CCDC102A: variants seen among roughly 807,000 people sequenced by gnomAD.
CCDC102A encodes coiled-coil domain containing 102A.
Under a neutral mutation model 55.5 loss-of-function variants are expected in CCDC102A, and 40 were observed. The observed-to-expected ratio is 0.72, with a 90% CI of 0.56 to 0.94. The LOEUF (loss-of-function observed/expected upper bound fraction) is 0.94. Among genes scored for constraint, CCDC102A ranks in the 40% least tolerant of loss-of-function variants. The pLI is 0.00. For missense variants in CCDC102A, 779 were observed against 768.6 expected (o/e 1.01, Z -0.16); for synonymous variants, 323 against 339.0 (o/e 0.95, Z 0.52).
In CCDC102A at chr16:57,529,158, G is replaced by C. The variant is rs1339220728; in HGVS notation, c.20C>G (p.Pro7Arg). The C allele has an allele frequency of 1.7e-6, 2 of 1,184,832 alleles. No homozygotes were observed. Among genetic ancestry groups the C allele is most frequent in the East Asian group, 3.7e-5 (1 of 27,346 alleles). 73.4% of individuals were successfully genotyped at this position (1,184,832 alleles called of 1,614,324 possible). MSHGPS[P>R]RLAESPQLSK... is the part of the protein sequence containing the mutation. ...CAGCTGCGGGGACTCGGCCAGCCGG[G>C]GGCTGGGCCCGTGGCTCATGGTGCG... Residue 7 changes from proline (P) to arginine (R), a missense_variant, in exon 2 of 9, where the codon CCC becomes CGC. Physicochemically the swap from Pro to Arg is moderately radical, Grantham distance 103. Transcript: ENST00000258214. The surrounding 1 kb of genome is among the most constrained non-coding windows in gnomAD (Gnocchi z 4.1).
At position 57,518,289 on chromosome 16, in the gene CCDC102A, C is replaced by A. The variant is rs1430662730; in HGVS notation, c.1039-12G>T. The A allele has an allele frequency of 6.2e-7, 1 of 1,605,624 alleles. No individual in the cohort carries two copies. Among genetic ancestry groups the A allele is most frequent in the Admixed American group, 1.7e-5 (1 of 59,970 alleles). On this transcript the variant is annotated splice_polypyrimidine_tract_variant and intron_variant, in intron 5 of 8. Transcript: ENST00000258214. ...TGCAGCCGCTCCATCTGCAGCAGGGCAGGGCAGAGTGAGGACTCCCAGCGG... is the reference window on the plus strand; with the variant it reads ...TGCAGCCGCTCCATCTGCAGCAGGGAAGGGCAGAGTGAGGACTCCCAGCGG...
rs2031956590 is a variant in CCDC102A at position 57,516,397 on chromosome 16, G to C, written c.1315C>G (p.Leu439Val). ...TCCACCCGCCGGTTGGCATGTGCCA[G>C]CTCTGCCACCTTCTCCTGGAACTGC... ...KKQFQEKVAELAHANRRVEQH... is the reference protein window; with the variant it reads ...KKQFQEKVAEVAHANRRVEQH... The change falls in exon 7 of 9, where the codon CTG becomes GTG. Residue 439 changes from leucine to valine, a missense_variant. By Grantham distance (32) the Leu-to-Val change is conservative (BLOSUM62 1). Transcript: ENST00000258214. This position sits in a 1 kb window ranked among gnomAD's most constrained non-coding sequence, Gnocchi z 4.4. 1 of 1,609,900 alleles carries C rather than the reference G, an allele frequency of 6.2e-7. No individual in the cohort carries two copies. Among genetic ancestry groups the C allele is most frequent in the South Asian group, 1.1e-5 (1 of 91,058 alleles).
chr16:57,518,328 G>A, intron 5 of CCDC102A, 51 bp from the exon 6 acceptor site: 1 of 1,533,128 alleles, frequency 6.5e-7, no homozygotes, highest in Non-Finnish European at 8.8e-7. Context: ...GGGCATGCAG[G>A]GCCTGAGCTG....
chr16:57,516,484 G>T lies in CCDC102A; in HGVS notation c.1249-21C>A. The T allele has an allele frequency of 1.3e-6, 2 of 1,593,248 alleles. No homozygotes were observed. Among genetic ancestry groups the T allele is most frequent in the Non-Finnish European group, 1.7e-6 (2 of 1,170,850 alleles). On this transcript the variant is annotated intron_variant, in intron 6 of 8. Transcript: ENST00000258214. This position sits in a 1 kb window ranked among gnomAD's most constrained non-coding sequence, Gnocchi z 4.4. ...AGCTCCTACAGGGCACAGGGATGGG[G>T]TGGGAGGGAGGAGGGAATCAGTATC...
At chr16:57,515,124 C>G (rs2031930199) in intron 8 of CCDC102A, among the ~76,000 whole-genome samples, 2 of 152,164 alleles carry the variant, frequency 1.3e-5, no homozygotes, top group Admixed American at 1.3e-4. Context: ...CTAGAGGAGA[C>G]AATTCCAGGG....
Position 57,518,237 on chromosome 16 carries a change from C to T in CCDC102A, c.1079G>A (p.Arg360His), listed in dbSNP as rs201621400. ...LQAENAAEWG[R>H]RERLETEKLG... ...TTTCTCTGTCTCCAGCCGCTCCCGG[C>T]GGCCCCACTCCGCAGCGTTTTCGGC... The change falls in exon 6 of 9, where the codon CGC (arginine) becomes CAC (histidine). Residue 360 changes from arginine (R) to histidine (H), a missense_variant. Transcript: ENST00000258214. 1.5e-5 allele frequency: 24 copies of T among 1,611,442 alleles called. No individual in the cohort carries two copies. The highest frequency in any genetic ancestry group is 6.7e-5 in the Admixed American group (4 of 60,016).
At chr16:57,517,998 A>G in intron 6 of CCDC102A, 70 bp downstream of exon 6, 1 of 1,477,946 alleles carries the variant, frequency 6.8e-7, no homozygotes, top group East Asian at 2.3e-5. Flanking sequence ...GACACATAGT[A>G]GGGAAGCTGC....
chr16:57,534,453 C>G (rs2032333204), intron 1 of CCDC102A, among the ~76,000 whole-genome samples: 1 of 152,196 alleles, frequency 6.6e-6, no homozygotes, highest in Non-Finnish European at 1.5e-5. Flanking sequence ...TCTGGAATAT[C>G]TCTCCTTCCT....
intron 3 of CCDC102A, among the ~76,000 whole-genome samples, chr16:57,522,519 A>G (rs545487294): frequency 1.3e-5 from 2 of 152,246 alleles, no homozygotes; most frequent in East Asian, 3.9e-4. Flanking sequence ...CTCCCAAAGT[A>G]CTGGGATTAT....
At chr16:57,520,988 C>A in intron 4 of CCDC102A, 80 bp downstream of exon 4, 1 of 839,476 alleles carries the variant, frequency 1.2e-6, no homozygotes, top group Non-Finnish European at 2.0e-6. Flanking sequence ...TGAATGAATT[C>A]TCTCTTCCAT....
At chr16:57,533,886 T>C (rs545838253) in intron 1 of CCDC102A, among the ~76,000 whole-genome samples, 1 of 152,178 alleles carries the variant, frequency 6.6e-6, no homozygotes, top group Admixed American at 6.5e-5. Flanking sequence ...CCTCTTGCCA[T>C]GGGGTGTCTA....
chr16:57,515,495 A>G, intron 7 of CCDC102A, 51 bp from the exon 8 acceptor site: 1 of 1,264,896 alleles, frequency 7.9e-7, no homozygotes. Flanking sequence ...GGGCTGGGCA[A>G]GGCCGGCCAC....
chr16:57,524,058 T>A (rs2032093743), intron 3 of CCDC102A, among the ~76,000 whole-genome samples: 1 of 152,036 alleles, frequency 6.6e-6, no homozygotes, highest in African/African-American at 2.4e-5. Flanking sequence ...GATGTAGGGA[T>A]CCCACACAGT....
In CCDC102A at chr16:57,517,249, G is replaced by A. The variant is rs536922406; in HGVS notation, c.1249-786C>T. On this transcript the variant is annotated intron_variant, in intron 6 of 8. Coordinates refer to ENST00000258214, the MANE Select transcript of CCDC102A (RefSeq NM_033212.4). The stretch of plus-strand genomic sequence containing the variant: ...CAAAGCTCTGTGTCTCTTTCACCAC[G>A]GACATTTATTCATGTTATTCCTAAC... Among the ~76,000 whole-genome samples, 12 of 152,184 alleles carry A rather than the reference G, an allele frequency of 7.9e-5. No individual in the cohort carries two copies. The South Asian group carries it at 1.0e-3, about 13-fold the overall frequency.
In CCDC102A at chr16:57,512,756, T is replaced by G. The variant is rs2031887455; in HGVS notation, c.1638A>C (p.Gln546His). The part of the protein sequence containing the change: ...TSDLDEDEDL[Q>H]IQVA The stretch of plus-strand genomic sequence containing the variant: ...ACAGGAAGCTCTAGGCCACCTGGAT[T>G]TGCAGGTCCTCGTCCTCGTCCAGGT... Residue 546 changes from glutamine (Q) to histidine (H), a missense_variant, in exon 9 of 9, where the codon CAA becomes CAC. Coordinates refer to ENST00000258214, the MANE Select transcript of CCDC102A (RefSeq NM_033212.4). 2 of 1,613,962 alleles carry G rather than the reference T, an allele frequency of 1.2e-6. No individual in the cohort carries two copies. Among genetic ancestry groups the G allele is most frequent in the African/African-American group, 2.7e-5 (2 of 75,050 alleles).
At position 57,512,698 on chromosome 16, in the gene CCDC102A, G is replaced by GGGCA. The variant is rs764947421; in HGVS notation, c.*39_*42dup. The GGGCA allele has an allele frequency of 6.3e-7, 1 of 1,588,524 alleles. No individual in the cohort carries two copies. Among genetic ancestry groups the GGGCA allele is most frequent in the Non-Finnish European group, 8.6e-7 (1 of 1,166,082 alleles). On this transcript the variant is annotated 3_prime_UTR_variant, in exon 9 of 9. Coordinates refer to ENST00000258214, the MANE Select transcript of CCDC102A (RefSeq NM_033212.4). ...TGAGTGGCTGGTTAGCCTGGACCCT[G>GGGCA]GGCAGGTATGGGGCGGCCCATCCTG...
Position 57,518,228 on chromosome 16 carries a change from C to A in CCDC102A, c.1088G>T (p.Arg363Leu), listed in dbSNP as rs777842983. ...AAGGCCCAGTTTCTCTGTCTCCAGCCGCTCCCGGCGGCCCCACTCCGCAGC... is the reference window on the plus strand; with the variant it reads ...AAGGCCCAGTTTCTCTGTCTCCAGCAGCTCCCGGCGGCCCCACTCCGCAGC... ...ENAAEWGRRE[R>L]LETEKLGLER... is the part of the protein sequence containing the mutation. The change falls in exon 6 of 9, where the codon CGG becomes CTG. Residue 363 changes from arginine (R) to leucine (L), a missense_variant. Physicochemically the swap from Arg to Leu is moderately radical, Grantham distance 102. Coordinates refer to ENST00000258214, the MANE Select transcript of CCDC102A (RefSeq NM_033212.4). 2 of 1,612,010 alleles carry A rather than the reference C, an allele frequency of 1.2e-6. No homozygotes were observed. Among genetic ancestry groups the A allele is most frequent in the South Asian group, 2.2e-5 (2 of 91,092 alleles).
Position 57,526,022 on chromosome 16 carries a change from G to A in CCDC102A, c.691C>T (p.Arg231Cys), listed in dbSNP as rs764855096. The A allele has an allele frequency of 1.5e-5, 24 of 1,602,790 alleles. No individual in the cohort carries two copies. The highest frequency in any genetic ancestry group is 1.2e-4 in the Admixed American group (7 of 58,184). Residue 231 changes from arginine to cysteine, a missense_variant, in exon 3 of 9, where the codon CGC (arginine) becomes TGC (cysteine). Coordinates refer to ENST00000258214, the MANE Select transcript of CCDC102A (RefSeq NM_033212.4). ...GAGGPRGSSG[R>C]QERSRLPWED... is the part of the protein sequence containing the mutation. The stretch of plus-strand genomic sequence containing the variant: ...CAGGGTAGCCGGCTGCGCTCCTGGC[G>A]GCCTGAGCTGCCCCGCGGGCCCCCA...
chr16:57,531,268 G>C (rs1162420445), intron 1 of CCDC102A, among the ~76,000 whole-genome samples: 2 of 149,320 alleles, frequency 1.3e-5, no homozygotes, highest in Non-Finnish European at 3.0e-5. Context: ...TCCTCCGAGA[G>C]AAGGCACTTC....
Sources: allele counts gnomAD v4.1 joint callset (sites outside exome capture counted in the v4.1 genomes callset), GRCh38; gene constraint gnomAD v4.1.1; non-coding constraint Gnocchi (gnomAD v3.1); transcripts MANE v1.5; gene names NCBI Gene and HGNC (gene_info 2026-07-23, HGNC 2026-07-21).